ABCC6: variants seen among roughly 807,000 people sequenced by gnomAD.
ABCC6 encodes ATP-binding cassette sub-family C member 6.
A neutral mutation model predicts 169.5 loss-of-function variants in ABCC6; 126 were observed. The ratio of observed to expected loss-of-function variants is 0.74; its 90% CI spans 0.64 to 0.86. The LOEUF is 0.86. Ranked by LOEUF, ABCC6 falls within the 40% of genes least tolerant of loss-of-function variation. The probability of loss-of-function intolerance (pLI) is 0.00; values close to 1 mark genes in which losing one functional copy is unlikely to be tolerated. For synonymous variants in ABCC6, 752 were observed against 814.7 expected, an observed-to-expected ratio of 0.92 and a Z score of 1.31; for missense variants, 1,733 against 1,927.2, an observed-to-expected ratio of 0.90 and a Z score of 1.89.
intron 18 of ABCC6, among the ~76,000 whole-genome samples, chr16:16,178,382 C>G (rs2047356806): frequency 6.6e-6 from 1 of 151,922 alleles, no homozygotes; most frequent in African/African-American, 2.4e-5. Flanking sequence ...GCCTCCTGAG[C>G]TGGGGGTTGG....
intron 21 of ABCC6, among the ~76,000 whole-genome samples, chr16:16,170,689 G>A (rs897864615): frequency 8.6e-5 from 13 of 151,926 alleles, no homozygotes; most frequent in African/African-American, 2.9e-4. Flanking sequence ...AGGCCAAGGC[G>A]GGTGTGTCAC....
At chr16:16,222,559 T>G (rs1188909308) in intron 1 of ABCC6, among the ~76,000 whole-genome samples, 1 of 151,902 alleles carries the variant, frequency 6.6e-6, no homozygotes, top group African/African-American at 2.4e-5. Context: ...ATTTTTTTTT[T>G]TTATGTTTTG....
chr16:16,178,773 G>A (rs1213596602), intron 18 of ABCC6, 25 bp downstream of exon 18: 2 of 1,613,680 alleles, frequency 1.2e-6, no homozygotes, highest in Admixed American at 3.3e-5. Context: ...GCCCTGTACT[G>A]TCTGACACAT....
intron 18 of ABCC6, among the ~76,000 whole-genome samples, chr16:16,178,308 C>CAG (rs2047352765): frequency 1.3e-5 from 2 of 151,730 alleles, no homozygotes; most frequent in South Asian, 2.1e-4. Context: ...GACTGAAAGA[C>CAG]AGAGCGAGAC....
At chr16:16,191,991 G>A (rs1380100181) in intron 11 of ABCC6, among the ~76,000 whole-genome samples, 1 of 152,182 alleles carries the variant, frequency 6.6e-6, no homozygotes, top group Non-Finnish European at 1.5e-5. Context: ...GACCCTGTAG[G>A]TTGTGGGAAG....
Position 16,155,012 on chromosome 16 carries a change from G to A in ABCC6, c.3902C>T (p.Thr1301Ile), listed in dbSNP as rs63750494. 29 of 1,560,996 alleles carry A rather than the reference G, an allele frequency of 1.9e-5. No individual in the cohort carries two copies. The highest frequency in any genetic ancestry group is 2.4e-5 in the Non-Finnish European group (28 of 1,153,140). ...AGEKVGIVGR[T>I]GAGKSSLASG... ...GGCCAGGGAGGACTTCCCTGCCCCG[G>A]TCCTGCCAACGATGCCCACCTGCCC... is the stretch of plus-strand genomic sequence containing the variant. Residue 1301 changes from threonine to isoleucine, a missense_variant, in exon 28 of 31, where the codon ACC (threonine) becomes ATC (isoleucine). Transcript: ENST00000205557.
intron 11 of ABCC6, 122 bp downstream of exon 11, chr16:16,192,708 C>T (rs747069549): frequency 3.4e-5 from 30 of 893,036 alleles, no homozygotes; most frequent in East Asian, 5.1e-5. Flanking sequence ...AGCTCACAGA[C>T]GACAAGAACA....
intron 15 of ABCC6, among the ~76,000 whole-genome samples, chr16:16,183,846 C>A (rs1463283780): frequency 6.6e-6 from 1 of 151,972 alleles, no homozygotes; most frequent in Non-Finnish European, 1.5e-5. Flanking sequence ...GTTGAGAAAC[C>A]CAGGTCCAGG....
chr16:16,156,144 G>C (rs1040824304), intron 27 of ABCC6, among the ~76,000 whole-genome samples: 3 of 152,088 alleles, frequency 2.0e-5, no homozygotes, highest in Non-Finnish European at 4.4e-5. Flanking sequence ...TCAAACTTCT[G>C]GCCTCAAGTG....
chr16:16,198,291 G>A, intron 9 of ABCC6, 109 bp from the exon 10 acceptor site: 1 of 1,250,572 alleles, frequency 8.0e-7, no homozygotes, highest in Non-Finnish European at 1.1e-6. Context: ...TGCGAGGTGG[G>A]TGAGTAAAGT....
chr16:16,173,536 C>T, intron 20 of ABCC6, 132 bp from the exon 21 acceptor site: 2 of 1,130,810 alleles, frequency 1.8e-6, no homozygotes, highest in East Asian at 2.4e-5. Flanking sequence ...ATTCATTTAT[C>T]TAACAGAATA....
chr16:16,214,643 C>T (rs909130152), intron 4 of ABCC6, among the ~76,000 whole-genome samples, 194 bp from the exon 5 acceptor site: 3 of 151,974 alleles, frequency 2.0e-5, no homozygotes, highest in African/African-American at 7.2e-5. Context: ...CTCACTTGGT[C>T]GCCCAGGCTG....
intron 7 of ABCC6, among the ~76,000 whole-genome samples, chr16:16,204,743 C>T (rs570105508): frequency 6.6e-6 from 1 of 152,156 alleles, no homozygotes; most frequent in South Asian, 2.1e-4. Flanking sequence ...GCTCCTCTCT[C>T]TGTGTGTGAG....
intron 18 of ABCC6, 135 bp from the exon 19 acceptor site, chr16:16,177,761 G>A (rs1007682937): frequency 1.5e-5 from 16 of 1,058,454 alleles, no homozygotes; most frequent in Admixed American, 1.2e-4. Context: ...TGGCTGACAC[G>A]GCTAAGCCCC....
intron 21 of ABCC6, 100 bp downstream of exon 21, chr16:16,173,184 A>G: frequency 1.3e-6 from 2 of 1,550,772 alleles, no homozygotes; most frequent in Non-Finnish European, 1.8e-6. Context: ...GTGCTCAAGA[A>G]AGGTGAGTAT....
chr16:16,193,093 G>A (rs185386605), intron 10 of ABCC6, among the ~76,000 whole-genome samples, 171 bp from the exon 11 acceptor site: 3 of 152,256 alleles, frequency 2.0e-5, no homozygotes, highest in Non-Finnish European at 2.9e-5. Flanking sequence ...TGAGATAGGA[G>A]GTCGGCACAA....
chr16:16,154,663 C>T lies in ABCC6; in HGVS notation c.4173G>A (p.Leu1391=). 6.2e-7 allele frequency: 1 copy of T among 1,612,976 alleles called. No homozygotes were observed. Among genetic ancestry groups the T allele is most frequent in the African/African-American group, 1.3e-5 (1 of 75,028 alleles). The change falls in exon 29 of 31, where the codon CTG becomes CTA. Residue 1391 remains leucine, a synonymous_variant. Coordinates refer to ENST00000205557, the MANE Select transcript of ABCC6 (RefSeq NM_001171.6). ...KALVASLPGQ[L]QYKCADRGED... Reference sequence around the variant, plus strand: ...CGCCTCGGTCAGCACACTTGTACTGCAGCTGGCCGGGCAGGCTGGCCACCA... The same window carrying T: ...CGCCTCGGTCAGCACACTTGTACTGTAGCTGGCCGGGCAGGCTGGCCACCA...
At chr16:16,150,310 C>G in intron 30 of ABCC6, 69 bp from the exon 31 acceptor site, 1 of 1,606,342 alleles carries the variant, frequency 6.2e-7, no homozygotes, top group African/African-American at 1.3e-5. Flanking sequence ...TGTGAGAGCC[C>G]AGTGTGTCTG....
At chr16:16,205,260 T>C (rs2048356864) in intron 7 of ABCC6, among the ~76,000 whole-genome samples, 1 of 151,880 alleles carries the variant, frequency 6.6e-6, no homozygotes, top group African/African-American at 2.4e-5. Context: ...CATTATTAGG[T>C]TTTCCATTTT....
Sources: gnomAD v4.1 joint callset for allele counts (sites outside exome capture counted in the v4.1 genomes callset) on GRCh38, gnomAD v4.1.1 for gene constraint, MANE v1.5 for transcripts, NCBI Gene and HGNC (gene_info 2026-07-23, HGNC 2026-07-21) for gene names.